The following LPGAT1 variants were observed in gnomAD, a reference collection of about 807,000 sequenced individuals.
LPGAT1 encodes lysophosphatidylglycerol acyltransferase 1.
A neutral mutation model predicts 47.5 loss-of-function variants in LPGAT1; 11 were observed. That is an observed-to-expected ratio of 0.23 (90% CI 0.15 to 0.38). The LOEUF (loss-of-function observed/expected upper bound fraction) is 0.38. LPGAT1 is among the 10% of genes least tolerant of loss of function. The pLI is 1.00. For synonymous variants in LPGAT1, 138 were observed against 144.2 expected, an observed-to-expected ratio of 0.96 and a Z score of 0.31; for missense variants, 293 against 439.0, an observed-to-expected ratio of 0.67 and a Z score of 2.97.
chr1:211,816,935 C>A (rs1172809026), intron 2 of LPGAT1, among the ~76,000 whole-genome samples: 3 of 152,158 alleles, frequency 2.0e-5, no homozygotes. Context: ...GTTGAAAATA[C>A]ATCTGTATAC....
intron 5 of LPGAT1, among the ~76,000 whole-genome samples, chr1:211,780,474 G>A (rs1308847287): frequency 2.0e-5 from 3 of 152,132 alleles, no homozygotes; most frequent in African/African-American, 7.2e-5. Context: ...TTTGAAGTAT[G>A]TAAGAAATCC....
chr1:211,806,051 T>A (rs1659745089), intron 2 of LPGAT1, among the ~76,000 whole-genome samples: 6 of 151,992 alleles, frequency 3.9e-5, no homozygotes, highest in Admixed American at 3.9e-4. Context: ...CTTGAGGTCA[T>A]AAGTTCGAGA....
At chr1:211,821,901 A>G (rs1442260835) in intron 2 of LPGAT1, among the ~76,000 whole-genome samples, 2 of 152,224 alleles carry the variant, frequency 1.3e-5, no homozygotes, top group African/African-American at 2.4e-5. Context: ...ATAAATAGAA[A>G]ACATAAAATA....
intron 2 of LPGAT1, among the ~76,000 whole-genome samples, chr1:211,818,710 A>G (rs942072383): frequency 1.3e-5 from 2 of 152,192 alleles, no homozygotes; most frequent in African/African-American, 4.8e-5. Flanking sequence ...CTCAAGGCAG[A>G]CCAGACCCTA....
chr1:211,812,770 G>A (rs74797461), intron 2 of LPGAT1, among the ~76,000 whole-genome samples: 3,714 of 152,302 alleles, frequency 0.024, 69 homozygotes, highest in Non-Finnish European at 0.03. Context: ...CCTGGAGGCC[G>A]AGGCTGAGTG....
chr1:211,806,209 G>A (rs751440131), intron 2 of LPGAT1, among the ~76,000 whole-genome samples: 1 of 150,570 alleles, frequency 6.6e-6, no homozygotes, highest in African/African-American at 2.5e-5. Flanking sequence ...GCAGTGAGCC[G>A]AGATTGAGCC....
intron 4 of LPGAT1, among the ~76,000 whole-genome samples, chr1:211,787,030 A>G (rs1487642611): frequency 6.8e-6 from 1 of 147,554 alleles, no homozygotes; most frequent in Non-Finnish European, 1.5e-5. Context: ...CCCAATTCAC[A>G]TAGCTAAGAA....
intron 1 of LPGAT1, 76 bp from the exon 2 acceptor site, chr1:211,829,399 C>T (rs995329078): frequency 1.3e-6 from 2 of 1,552,190 alleles, no homozygotes; most frequent in African/African-American, 1.4e-5. Context: ...ATAGAAATCG[C>T]CCCCAGCACA....
chr1:211,785,438 C>G (rs1257993566), intron 4 of LPGAT1, among the ~76,000 whole-genome samples: 1 of 152,042 alleles, frequency 6.6e-6, no homozygotes, highest in Non-Finnish European at 1.5e-5. Context: ...ACTAATCTAT[C>G]GGGGAAAAAC....
Position 211,777,982 on chromosome 1 carries a change from C to T in LPGAT1, c.854+936G>A, listed in dbSNP as rs561307629. 2.6e-5 allele frequency among the ~76,000 whole-genome samples: 4 copies of T among 152,302 alleles called. 1 individual carries two copies. The East Asian group carries it at 7.7e-4, about 29-fold the overall frequency. Reference sequence around the variant, plus strand: ...TTGGTCATCCTCACTGCTATGCTCCCACCAGTGCCATCACAGTTTACAAAT... The same window carrying T: ...TTGGTCATCCTCACTGCTATGCTCCTACCAGTGCCATCACAGTTTACAAAT... On this transcript the variant is annotated intron_variant, in intron 6 of 7. Transcript: ENST00000366997.
chr1:211,783,175 C>A, intron 5 of LPGAT1, 54 bp downstream of exon 5: 2 of 1,451,672 alleles, frequency 1.4e-6, no homozygotes, highest in Admixed American at 2.2e-5. Flanking sequence ...TCTTCTGTAA[C>A]TCCAGAAAAT....
At chr1:211,795,085 T>C (rs1659293824) in intron 2 of LPGAT1, among the ~76,000 whole-genome samples, 1 of 152,182 alleles carries the variant, frequency 6.6e-6, no homozygotes, top group East Asian at 1.9e-4. Flanking sequence ...GTTTCAGTTT[T>C]ACAAGATGGA....
intron 2 of LPGAT1, among the ~76,000 whole-genome samples, chr1:211,800,830 A>T (rs1474466320): frequency 3.9e-5 from 6 of 152,230 alleles, no homozygotes; most frequent in African/African-American, 7.2e-5. Flanking sequence ...AGGACTAAAT[A>T]AACACACGTT....
rs141048404 is a variant in LPGAT1, at chr1:211,750,034, G to C, written c.978C>G (p.Ser326=). ...TGGAAACAGCTTCCTTATGGCCCTT[G>C]GAAGGTGGAAAAGCTCCTAAAAGAC... The part of the protein sequence containing the change: ...HFYETGAFPP[S]KGHKEAVSRE... The change falls in exon 8 of 8, where the codon TCC becomes TCG. Residue 326 remains serine, a synonymous_variant. Transcript: ENST00000366997. The C allele has an allele frequency of 7.8e-4, 1,264 of 1,612,946 alleles. 1 individual carries two copies. Among genetic ancestry groups the C allele is most frequent in the Non-Finnish European group, 8.4e-4 (989 of 1,179,724 alleles).
chr1:211,762,058 T>C (rs1267856134), intron 6 of LPGAT1, among the ~76,000 whole-genome samples: 1 of 152,248 alleles, frequency 6.6e-6, no homozygotes, highest in East Asian at 1.9e-4. Context: ...ACTTGCAGTA[T>C]GTAATTACTT....
intron 6 of LPGAT1, among the ~76,000 whole-genome samples, chr1:211,757,555 A>G (rs1377360109): frequency 6.6e-6 from 1 of 152,212 alleles, no homozygotes; most frequent in Non-Finnish European, 1.5e-5. Flanking sequence ...GGGTTCAGCA[A>G]TAGTTGTAGT....
At position 211,745,286 on chromosome 1, in the gene LPGAT1, A is replaced by C. The variant is rs904158951; in HGVS notation, c.*4613T>G. ...TACAGCATCAGGAAAATGAAAACCC[A>C]TCTGTATAAAATAAATACAATTTTA... is the stretch of plus-strand genomic sequence containing the variant. On this transcript the variant is annotated 3_prime_UTR_variant, in exon 8 of 8. Coordinates refer to ENST00000366997, the MANE Select transcript of LPGAT1 (RefSeq NM_014873.3). 6.6e-6 allele frequency: 1 copy of C among 152,468 alleles called. No individual in the cohort carries two copies. The highest frequency in any genetic ancestry group is 2.4e-5 in the African/African-American group (1 of 41,476). 9.4% of individuals were successfully genotyped at this position (152,468 alleles called of 1,614,324 possible).
rs1200590651 is a variant in LPGAT1 at position 211,744,375 on chromosome 1, G to A, written c.*5524C>T. On this transcript the variant is annotated 3_prime_UTR_variant, in exon 8 of 8. Coordinates refer to ENST00000366997, the MANE Select transcript of LPGAT1 (RefSeq NM_014873.3). ...TAATGTTAAAGCTAAAAGTGGTTTC[G>A]GCTTAATGAGTCTAATATGTACCAT... 1.3e-5 allele frequency: 2 copies of A among 152,220 alleles called. No individual in the cohort carries two copies. The highest frequency in any genetic ancestry group is 2.1e-4 in the South Asian group (1 of 4,824). 9.4% of individuals were successfully genotyped at this position (152,220 alleles called of 1,614,324 possible).
intron 2 of LPGAT1, among the ~76,000 whole-genome samples, chr1:211,794,713 A>G (rs1659278625): frequency 6.6e-6 from 1 of 152,202 alleles, no homozygotes; most frequent in South Asian, 2.1e-4. Context: ...CCAATTCTAC[A>G]TTAGTATTCT....
Sources: gnomAD v4.1 joint callset for allele counts (sites outside exome capture counted in the v4.1 genomes callset) on GRCh38, gnomAD v4.1.1 for gene constraint, MANE v1.5 for transcripts, NCBI Gene and HGNC (gene_info 2026-07-23, HGNC 2026-07-21) for gene names.